The following SPTBN5 variants were observed in gnomAD, a reference collection of about 807,000 sequenced individuals.
SPTBN5 encodes the protein spectrin beta chain, non-erythrocytic 5.
Under a neutral mutation model 477.6 loss-of-function variants are expected in SPTBN5, and 513 were observed. The ratio of observed to expected loss-of-function variants is 1.07; its 90% CI spans 1.00 to 1.16. The LOEUF (loss-of-function observed/expected upper bound fraction) is 1.16, where lower values mean the gene tolerates loss of function less well. Among genes scored for constraint, SPTBN5 ranks in the 50% most tolerant of loss-of-function variants. SPTBN5 has a pLI of 0.00. For missense variants in SPTBN5, 5,062 were observed against 4,731.8 expected (o/e 1.07, Z -2.05); for synonymous variants, 2,169 against 2,011.7 (o/e 1.08, Z -2.09).
intron 35 of SPTBN5, among the ~76,000 whole-genome samples, 176 bp downstream of exon 35, chr15:41,867,362 T>G (rs878941054): frequency 6.6e-6 from 1 of 152,020 alleles, no homozygotes; most frequent in East Asian, 1.9e-4. Flanking sequence ...CATCTCCCCC[T>G]GGGCCCTCTT....
Position 41,853,641 on chromosome 15 carries a change from G to A in SPTBN5, c.9921C>T (p.Gly3307=), listed in dbSNP as rs778632826. ...CCTGTGCAGCCTGCGCCAGCCACTGGCCTCGCTCCTGGGCCTTCGCCTGCA... is the reference window on the plus strand; with the variant it reads ...CCTGTGCAGCCTGCGCCAGCCACTGACCTCGCTCCTGGGCCTTCGCCTGCA... The part of the protein sequence containing the change: ...ATLQAKAQER[G]QWLAQAAQGH... The change falls in exon 58 of 68, where the codon GGC becomes GGT. Residue 3307 remains glycine, a synonymous_variant. Transcript: ENST00000320955. The A allele has an allele frequency of 1.9e-6, 3 of 1,594,478 alleles. No individual in the cohort carries two copies. The highest frequency in any genetic ancestry group is 2.2e-5 in the South Asian group (2 of 90,538).
chr15:41,855,116 C>T (rs1270594744), intron 55 of SPTBN5, 108 bp downstream of exon 55: 6 of 1,442,914 alleles, frequency 4.2e-6, no homozygotes, highest in East Asian at 2.4e-5. Flanking sequence ...CCCTAGGACA[C>T]CCTCTCCAGG....
At chr15:41,855,093 C>A in intron 55 of SPTBN5, 117 bp from the exon 56 acceptor site, 1 of 1,424,312 alleles carries the variant, frequency 7.0e-7, no homozygotes, top group Non-Finnish European at 9.4e-7. Flanking sequence ...GGTTCTGGAA[C>A]CATCGGGATC....
At position 41,876,254 on chromosome 15, in the gene SPTBN5, G is replaced by T. The variant is rs777447107; in HGVS notation, c.3982C>A (p.Gln1328Lys). 6.3e-7 allele frequency: 1 copy of T among 1,590,978 alleles called. No homozygotes were observed. The highest frequency in any genetic ancestry group is 8.5e-7 in the Non-Finnish European group (1 of 1,170,514). ...EWKQDVAELM[Q>K]WMEEKGLMAA... is the part of the protein sequence containing the mutation. The stretch of plus-strand genomic sequence containing the variant: ...ATCAGCCCCTTCTCTTCCATCCACT[G>T]CATCAGCTCTGCCACATCCTGCTTC... The change falls in exon 21 of 68, where the codon CAG becomes AAG. Residue 1328 changes from glutamine (Q) to lysine (K), a missense_variant. Coordinates refer to ENST00000320955, the MANE Select transcript of SPTBN5 (RefSeq NM_016642.4).
At chr15:41,865,241 T>TG (rs2066260302) in intron 39 of SPTBN5, among the ~76,000 whole-genome samples, 2 of 152,072 alleles carry the variant, frequency 1.3e-5, no homozygotes, top group South Asian at 4.2e-4. Context: ...GGGGCGGGTG[T>TG]GGGGTGAGAA....
In SPTBN5 at chr15:41,852,288, T is replaced by G. The variant is rs1031401107; in HGVS notation, c.10478A>C (p.Gln3493Pro). The G allele has an allele frequency of 4.4e-6, 7 of 1,598,522 alleles. No individual in the cohort carries two copies. The highest frequency in any genetic ancestry group is 4.5e-5 in the East Asian group (2 of 44,226). ...EMEQELLLQP[Q>P]ELKPGRAGSS... ...GCCAGCTCTCCCGGGCTTCAGCTCC[T>G]GTGGCTGCAGCAGGAGCTCCTGTTC... is the stretch of plus-strand genomic sequence containing the variant. Residue 3493 changes from glutamine (Q) to proline (P), a missense_variant, in exon 62 of 68, where the codon CAG (glutamine) becomes CCG (proline). Coordinates refer to ENST00000320955, the MANE Select transcript of SPTBN5 (RefSeq NM_016642.4).
At chr15:41,890,320 C>A in intron 3 of SPTBN5, 115 bp from the exon 4 acceptor site, 1 of 711,302 alleles carries the variant, frequency 1.4e-6, no homozygotes, top group Non-Finnish European at 2.5e-6. Context: ...CTATCCTGCC[C>A]CAGCTGGGAG....
intron 4 of SPTBN5, among the ~76,000 whole-genome samples, chr15:41,888,661 A>G (rs1400305472): frequency 6.6e-6 from 1 of 152,204 alleles, no homozygotes; most frequent in African/African-American, 2.4e-5. Flanking sequence ...GGGTTTCACT[A>G]TGTTGGCTAG....
At chr15:41,871,607 TG>T in intron 28 of SPTBN5, 87 bp from the exon 29 acceptor site, 1 of 1,414,428 alleles carries the variant, frequency 7.1e-7, no homozygotes, top group Non-Finnish European at 9.3e-7. Flanking sequence ...AGTGCCCAAC[TG>T]GGTGATGTGG....
intron 11 of SPTBN5, 33 bp from the exon 12 acceptor site, chr15:41,882,178 AG>A: frequency 6.6e-7 from 1 of 1,524,902 alleles, no homozygotes; most frequent in Non-Finnish European, 8.7e-7. Context: ...GTGTGGGTGA[AG>A]GGGCGCGGCT....
chr15:41,861,981 AGAG>A, intron 44 of SPTBN5, 58 bp from the exon 45 acceptor site: 2 of 1,555,442 alleles, frequency 1.3e-6, no homozygotes, highest in Non-Finnish European at 1.7e-6. Context: ...CAGGCAGGAG[AGAG>A]GTGGGGAAGC....
At chr15:41,872,839 G>A (rs963664360) in intron 26 of SPTBN5, among the ~76,000 whole-genome samples, 2 of 152,334 alleles carry the variant, frequency 1.3e-5, no homozygotes, top group African/African-American at 2.4e-5. Context: ...TGGGTGCTCC[G>A]TGAGGCCAAG....
chr15:41,851,258 G>A (rs751903080), intron 64 of SPTBN5, 25 bp downstream of exon 64: 11 of 1,551,688 alleles, frequency 7.1e-6, no homozygotes, highest in South Asian at 1.2e-5. Flanking sequence ...CCTGATGTCT[G>A]CATCTCCCCT....
intron 67 of SPTBN5, among the ~76,000 whole-genome samples, chr15:41,849,372 T>C (rs60646673): frequency 0.012 from 1,869 of 150,128 alleles, 29 homozygotes; most frequent in African/African-American, 0.045. Flanking sequence ...TCCATTGCCA[T>C]GGAGTGGGGA....
chr15:41,851,697 C>T, intron 63 of SPTBN5, 82 bp downstream of exon 63: 1 of 1,069,480 alleles, frequency 9.4e-7, no homozygotes, highest in Non-Finnish European at 1.4e-6. Context: ...TGCAAGGGTG[C>T]CAGGCCCAGA....
chr15:41,848,622 AT>A lies in SPTBN5; in HGVS notation c.11018del (p.Asp3673ValfsTer25). ...DARPGCLLRS[D>X]P is the part of the protein sequence containing the mutation. ...TGTTGCACTGGGGTTCACCTCAGGG[AT>A]CAGACCTGTTGGGAAAACGGAATGA... On this transcript the variant is annotated frameshift_variant, in exon 68 of 68. Coordinates refer to ENST00000320955, the MANE Select transcript of SPTBN5 (RefSeq NM_016642.4). LOFTEE classifies it high-confidence loss of function. 1 of 1,613,888 alleles carries A rather than the reference AT, an allele frequency of 6.2e-7. No individual in the cohort carries two copies. The highest frequency in any genetic ancestry group is 1.3e-5 in the African/African-American group (1 of 75,014).
At chr15:41,866,625 T>C in intron 36 of SPTBN5, 132 bp from the exon 37 acceptor site, 1 of 1,102,558 alleles carries the variant, frequency 9.1e-7, no homozygotes, top group Non-Finnish European at 1.2e-6. Context: ...AAATGAGCCC[T>C]GAAGGTTCCA....
At position 41,854,427 on chromosome 15, in the gene SPTBN5, G is replaced by A. The variant is rs11631111; in HGVS notation, c.9619-222C>T. ...GGGTGGGGAGGGTGGGGAGAGGAGA[G>A]GGCCTCGTGCATCTCAGGGAAAGGC... On this transcript the variant is annotated intron_variant, in intron 56 of 67. Coordinates refer to ENST00000320955, the MANE Select transcript of SPTBN5 (RefSeq NM_016642.4). 5.2e-4 allele frequency among the ~76,000 whole-genome samples: 79 copies of A among 152,148 alleles called. 2 individuals are homozygous for A. In the East Asian group the frequency reaches 5.6e-3, roughly 11 times the overall value.
At position 41,853,696 on chromosome 15, in the gene SPTBN5, AG is replaced by A. The variant is rs2065848140; in HGVS notation, c.9865del (p.Leu3289TrpfsTer39). 1 of 1,599,970 alleles carries A rather than the reference AG, an allele frequency of 6.3e-7. No homozygotes were observed. Among genetic ancestry groups the A allele is most frequent in the Non-Finnish European group, 8.5e-7 (1 of 1,174,898 alleles). On this transcript the variant is annotated frameshift_variant, in exon 58 of 68. Transcript: ENST00000320955. LOFTEE classifies it high-confidence loss of function. ...GGCCCAGGCCTCCTGCACCTTGGCC[AG>A]GCCCCCCGGAGCTGCAGGATGTAGC... ...GQLHPAAPGG[L>X]AKVQEAWATL...
Sources: allele counts gnomAD v4.1 joint callset (sites outside exome capture counted in the v4.1 genomes callset), GRCh38; gene constraint gnomAD v4.1.1; transcripts MANE v1.5; gene names NCBI Gene and HGNC (gene_info 2026-07-23, HGNC 2026-07-21).